Variants in SLC4A10 observed in about 807,000 individuals in gnomAD.
SLC4A10 encodes the protein sodium-driven chloride bicarbonate exchanger.
In SLC4A10, 42 loss-of-function variants were observed where a neutral mutation model predicts 137.7. The observed-to-expected ratio is 0.30, with a 90% CI of 0.24 to 0.39. The LOEUF is 0.39. SLC4A10 is among the 10% of genes least tolerant of loss of function. The pLI is 1.00. For synonymous variants in SLC4A10, 474 were observed against 464.1 expected, an observed-to-expected ratio of 1.02 and a Z score of -0.27; for missense variants, 925 against 1,355.0, an observed-to-expected ratio of 0.68 and a Z score of 4.98.
At chr2:161,977,650 A>G in intron 25 of SLC4A10, 72 bp from the exon 26 acceptor site, 2 of 1,307,774 alleles carry the variant, frequency 1.5e-6, no homozygotes, top group Non-Finnish European at 2.1e-6. Context: ...CTATAATTAT[A>G]AAGTTCCTTT....
intron 2 of SLC4A10, among the ~76,000 whole-genome samples, chr2:161,802,412 G>A (rs765092452): frequency 6.6e-5 from 10 of 151,860 alleles, no homozygotes; most frequent in East Asian, 1.9e-4. Flanking sequence ...AAAAAATCAC[G>A]TAATTTAAGT....
intron 26 of SLC4A10, among the ~76,000 whole-genome samples, chr2:161,978,749 A>G (rs1699797396): frequency 6.6e-6 from 1 of 152,182 alleles, no homozygotes; most frequent in Admixed American, 6.5e-5. Context: ...TTTACTACAA[A>G]TGAAGATAAT....
At chr2:161,959,600 C>A (rs1390724956) in intron 21 of SLC4A10, among the ~76,000 whole-genome samples, 2 of 151,064 alleles carry the variant, frequency 1.3e-5, no homozygotes, top group African/African-American at 2.4e-5. Flanking sequence ...TCAGAGTGAG[C>A]AATATAAAAG....
intron 15 of SLC4A10, among the ~76,000 whole-genome samples, chr2:161,931,744 G>A (rs995866057): frequency 1.3e-5 from 2 of 152,144 alleles, no homozygotes; most frequent in Non-Finnish European, 2.9e-5. Context: ...TAACTTAGAA[G>A]AGCGACAGGG....
chr2:161,798,443 G>A (rs907307240), intron 2 of SLC4A10, among the ~76,000 whole-genome samples: 3 of 151,740 alleles, frequency 2.0e-5, no homozygotes, highest in African/African-American at 7.3e-5. Context: ...GTTTCCAAAT[G>A]CGTCTCCTTT....
intron 2 of SLC4A10, among the ~76,000 whole-genome samples, chr2:161,797,230 C>T (rs1463490607): frequency 6.6e-6 from 1 of 152,118 alleles, no homozygotes; most frequent in South Asian, 2.1e-4. Flanking sequence ...TCACATTATC[C>T]CTTCAATTGC....
rs2061182150 is a variant in SLC4A10, at chr2:161,872,373, G to T, written c.847G>T (p.Asp283Tyr). ...TGTTAGCAGAGAAAACAGCACTGTT[G>T]ACTTTAGCAAGGTGAGCTTTTCTCC... is the stretch of plus-strand genomic sequence containing the variant. ...NDVSRENSTV[D>Y]FSKGLGGQQK... The change falls in exon 7 of 27, where the codon GAC (aspartate) becomes TAC (tyrosine). Residue 283 changes from aspartate to tyrosine, a missense_variant. Asp to Tyr is a radical substitution (Grantham distance 160). Coordinates refer to ENST00000446997, the MANE Select transcript of SLC4A10 (RefSeq NM_001178015.2). 2 of 1,613,092 alleles carry T rather than the reference G, an allele frequency of 1.2e-6. No homozygotes were observed. Among genetic ancestry groups the T allele is most frequent in the South Asian group, 1.1e-5 (1 of 91,040 alleles).
intron 18 of SLC4A10, among the ~76,000 whole-genome samples, 173 bp downstream of exon 18, chr2:161,949,434 A>G (rs930039590): frequency 1.3e-5 from 2 of 151,930 alleles, no homozygotes; most frequent in Non-Finnish European, 2.9e-5. Flanking sequence ...ATTTAAAAAT[A>G]TAAGAATTAC....
At chr2:161,976,430 A>G (rs900458598) in intron 24 of SLC4A10, among the ~76,000 whole-genome samples, 1 of 152,186 alleles carries the variant, frequency 6.6e-6, no homozygotes, top group Non-Finnish European at 1.5e-5. Context: ...AGAAAGTGGA[A>G]TTATAGTTGC....
intron 1 of SLC4A10, among the ~76,000 whole-genome samples, chr2:161,704,233 G>C (rs1483369989): frequency 6.6e-6 from 1 of 151,566 alleles, no homozygotes; most frequent in Non-Finnish European, 1.5e-5. Context: ...ACTGTTGTGA[G>C]AGCTAATTTG....
At position 161,653,259 on chromosome 2, in the gene SLC4A10, A is replaced by G. The variant is rs545407212; in HGVS notation, c.48+28693A>G. Among the ~76,000 whole-genome samples the G allele has an allele frequency of 7.2e-5, 11 of 152,226 alleles. No individual in the cohort carries two copies. In the East Asian group the frequency reaches 2.1e-3, roughly 29 times the overall value. On this transcript the variant is annotated intron_variant, in intron 1 of 26. Transcript: ENST00000446997. ...TTTATCCAATCTATCATTGATGGGC[A>G]TTTGGGTTGGTTCCAAGTCGTCGCT...
At chr2:161,848,327 T>C (rs1308429744) in intron 4 of SLC4A10, among the ~76,000 whole-genome samples, 5 of 152,194 alleles carry the variant, frequency 3.3e-5, no homozygotes, top group African/African-American at 1.2e-4. Flanking sequence ...TCCTACTCTG[T>C]AGGTTGTTTA....
At chr2:161,848,952 G>A (rs1032782488) in intron 4 of SLC4A10, among the ~76,000 whole-genome samples, 1 of 152,082 alleles carries the variant, frequency 6.6e-6, no homozygotes, top group African/African-American at 2.4e-5. Context: ...AATGTTATTG[G>A]TAGGTTGATA....
At chr2:161,896,382 G>C (rs970149026) in intron 11 of SLC4A10, among the ~76,000 whole-genome samples, 6 of 152,040 alleles carry the variant, frequency 3.9e-5, no homozygotes, top group Non-Finnish European at 5.9e-5. Context: ...GCTTAGGATT[G>C]ACTTGGTGAT....
chr2:161,677,834 A>G lies in SLC4A10; in HGVS notation c.48+53268A>G, dbSNP rs369005590. On this transcript the variant is annotated intron_variant, in intron 1 of 26. Transcript: ENST00000446997. ...GACACAGTCAGAAATGAACGTGGAC[A>G]GTTTCACAATGGCACGTGGGACTTT... 1.3e-3 allele frequency among the ~76,000 whole-genome samples: 202 copies of G among 152,350 alleles called. 2 individuals carry two copies. The South Asian group carries it at 0.02, about 15-fold the overall frequency.
At chr2:161,847,643 C>T (rs541642391) in intron 4 of SLC4A10, among the ~76,000 whole-genome samples, 1 of 152,194 alleles carries the variant, frequency 6.6e-6, no homozygotes, top group Admixed American at 6.5e-5. Flanking sequence ...GTTTTCTGTT[C>T]CTGCATTAGT....
chr2:161,964,006 G>A (rs1305559838), intron 21 of SLC4A10, 129 bp from the exon 22 acceptor site: 11 of 650,408 alleles, frequency 1.7e-5, no homozygotes, highest in South Asian at 2.4e-5. Context: ...TCTTGATGCC[G>A]AGATATCAAC....
intron 1 of SLC4A10, among the ~76,000 whole-genome samples, chr2:161,763,259 G>A (rs1016559540): frequency 1.3e-5 from 2 of 151,908 alleles, no homozygotes; most frequent in Non-Finnish European, 2.9e-5. Flanking sequence ...GTGTACGTAG[G>A]TTGCCATCCT....
Position 161,982,701 on chromosome 2 carries a change from G to A in SLC4A10, c.*27-478G>A, listed in dbSNP as rs113962300. ...CCAGTGGAGCTGTCTGTCTAACCTG[G>A]CCAAGGTACAGTCTTCATCAAAGGT... On this transcript the variant is annotated intron_variant, in intron 26 of 26. Transcript: ENST00000446997. 2.2e-3 allele frequency among the ~76,000 whole-genome samples: 337 copies of A among 152,218 alleles called. 1 individual carries two copies. The highest frequency in any genetic ancestry group is 7.9e-3 in the African/African-American group (330 of 41,518).
Sources: allele counts gnomAD v4.1 joint callset (sites outside exome capture counted in the v4.1 genomes callset), GRCh38; gene constraint gnomAD v4.1.1; transcripts MANE v1.5; gene names NCBI Gene and HGNC (gene_info 2026-07-23, HGNC 2026-07-21).